Variants in HOMER1 observed in about 807,000 individuals in gnomAD.
The protein encoded by HOMER1 is homer protein homolog 1.
HOMER1 carries 3 observed loss-of-function variants against 48.9 expected under a neutral mutation model. The observed-to-expected ratio is 0.06, with a 90% CI of 0.03 to 0.16. HOMER1 has a LOEUF of 0.16. HOMER1 is among the 10% of genes least tolerant of loss of function. HOMER1 has a pLI of 1.00. For synonymous variants in HOMER1, 134 were observed against 146.4 expected, an observed-to-expected ratio of 0.92 and a Z score of 0.61; for missense variants, 247 against 411.4, an observed-to-expected ratio of 0.60 and a Z score of 3.46.
chr5:79,503,532 GAGAAAAAAAAAAA>G (rs1752664149), intron 1 of HOMER1, among the ~76,000 whole-genome samples: 2 of 94,026 alleles, frequency 2.1e-5, no homozygotes, highest in African/African-American at 3.7e-5. Context: ...CTGTCACAAA[GAGAAAAAAAAAAA>G]AAAAAAAAAC....
chr5:79,488,067 T>C (rs1177536482), intron 1 of HOMER1, among the ~76,000 whole-genome samples: 1 of 152,228 alleles, frequency 6.6e-6, no homozygotes, highest in East Asian at 1.9e-4. Context: ...ATTTAAAACA[T>C]TTTTAGAAGT....
chr5:79,417,802 A>C (rs529591296), intron 5 of HOMER1, among the ~76,000 whole-genome samples: 76 of 152,326 alleles, frequency 5.0e-4, no homozygotes, highest in Non-Finnish European at 5.3e-4. Flanking sequence ...CACCCTAAAA[A>C]TTGTACAATA....
intron 5 of HOMER1, among the ~76,000 whole-genome samples, chr5:79,422,642 A>G (rs7723152): frequency 0.035 from 5,393 of 152,092 alleles, 312 homozygotes; most frequent in African/African-American, 0.12. Context: ...GTAGAGATAA[A>G]ACTATAAAAA....
chr5:79,487,791 T>C (rs59512196), intron 1 of HOMER1, among the ~76,000 whole-genome samples: 12,198 of 152,218 alleles, frequency 0.08, 1,088 homozygotes, highest in East Asian at 0.23. Flanking sequence ...TTAAGTGATT[T>C]TTCTGATATG....
intron 3 of HOMER1, among the ~76,000 whole-genome samples, chr5:79,447,481 C>T (rs193119873): frequency 2.6e-5 from 4 of 152,164 alleles, no homozygotes; most frequent in Admixed American, 2.6e-4. Context: ...TAAACATAAG[C>T]GTACTGTGCT....
At chr5:79,509,585 T>A (rs1339678153) in intron 1 of HOMER1, among the ~76,000 whole-genome samples, 1 of 152,186 alleles carries the variant, frequency 6.6e-6, no homozygotes, top group Non-Finnish European at 1.5e-5. Context: ...TGCCTTAATT[T>A]TTAGGGGATC....
chr5:79,485,723 T>A (rs1447059995), intron 1 of HOMER1, among the ~76,000 whole-genome samples: 2 of 152,182 alleles, frequency 1.3e-5, no homozygotes, highest in Non-Finnish European at 2.9e-5. Flanking sequence ...AAGAGGGACC[T>A]AATTGAAGTT....
rs577285924 is a variant in HOMER1 at position 79,393,281 on chromosome 5, C to T, written c.876+3542G>A. Among the ~76,000 whole-genome samples, 5 of 152,130 alleles carry T rather than the reference C, an allele frequency of 3.3e-5. No individual in the cohort carries two copies. The East Asian group carries it at 9.6e-4, about 29-fold the overall frequency. On this transcript the variant is annotated intron_variant, in intron 8 of 8. Coordinates refer to ENST00000334082, the MANE Select transcript of HOMER1 (RefSeq NM_004272.5). ...AGGAAAATAAAAAATGGTAATACTACAAAAAATACCTGGGATGGGGTGTGG... is the reference window on the plus strand; with the variant it reads ...AGGAAAATAAAAAATGGTAATACTATAAAAAATACCTGGGATGGGGTGTGG...
intron 5 of HOMER1, among the ~76,000 whole-genome samples, chr5:79,423,357 T>C (rs1223342617): frequency 6.6e-6 from 1 of 152,176 alleles, no homozygotes; most frequent in Non-Finnish European, 1.5e-5. Context: ...AGTTCAGAAA[T>C]TTATCCCATT....
intron 1 of HOMER1, among the ~76,000 whole-genome samples, chr5:79,498,972 A>C (rs1752498705): frequency 6.6e-6 from 1 of 151,806 alleles, no homozygotes; most frequent in South Asian, 2.1e-4. Context: ...AGTAGCTGGG[A>C]CTACAGGCGC....
chr5:79,504,809 C>G lies in HOMER1; in HGVS notation c.5+7961G>C, dbSNP rs1005776028. Among the ~76,000 whole-genome samples the G allele has an allele frequency of 2.6e-4, 40 of 152,304 alleles. 1 individual carries two copies. The highest frequency in any genetic ancestry group is 9.1e-4 in the African/African-American group (38 of 41,566). The stretch of plus-strand genomic sequence containing the variant: ...AAAAATAATTGGTATATCCAACTAT[C>G]GGCCTAATTGCTAGAAATCAGGATT... On this transcript the variant is annotated intron_variant, in intron 1 of 8. Coordinates refer to ENST00000334082, the MANE Select transcript of HOMER1 (RefSeq NM_004272.5).
chr5:79,499,358 C>G (rs542302654), intron 1 of HOMER1, among the ~76,000 whole-genome samples: 1 of 152,212 alleles, frequency 6.6e-6, no homozygotes, highest in South Asian at 2.1e-4. Context: ...ATACCAAACA[C>G]ATGTAATAAA....
intron 5 of HOMER1, among the ~76,000 whole-genome samples, chr5:79,419,097 A>C (rs1055701390): frequency 1.3e-5 from 2 of 152,248 alleles, no homozygotes; most frequent in African/African-American, 4.8e-5. Flanking sequence ...TGGACAAATA[A>C]AATAGAAAGG....
chr5:79,470,441 C>T (rs142840158), intron 1 of HOMER1, among the ~76,000 whole-genome samples: 14 of 152,254 alleles, frequency 9.2e-5, no homozygotes, highest in African/African-American at 3.4e-4. Flanking sequence ...ATAAAAAATG[C>T]TTCTATTTAA....
intron 1 of HOMER1, among the ~76,000 whole-genome samples, chr5:79,508,663 T>C (rs1383537096): frequency 2.0e-5 from 3 of 152,226 alleles, no homozygotes; most frequent in Non-Finnish European, 1.5e-5. Flanking sequence ...GGCTCACTTG[T>C]ACTCATCTTT....
intron 8 of HOMER1, among the ~76,000 whole-genome samples, chr5:79,396,588 G>A (rs1457734032): frequency 6.6e-6 from 1 of 151,434 alleles, no homozygotes; most frequent in Non-Finnish European, 1.5e-5. Flanking sequence ...ATTTCCAAAA[G>A]GATTTACTAA....
At chr5:79,483,852 C>T (rs1477598264) in intron 1 of HOMER1, among the ~76,000 whole-genome samples, 1 of 150,658 alleles carries the variant, frequency 6.6e-6, no homozygotes, top group Non-Finnish European at 1.5e-5. Context: ...GTCAGGAGTT[C>T]AAGACCACAG....
At chr5:79,482,159 G>A (rs1417187474) in intron 1 of HOMER1, among the ~76,000 whole-genome samples, 4 of 151,990 alleles carry the variant, frequency 2.6e-5, no homozygotes, top group Non-Finnish European at 5.9e-5. Flanking sequence ...AGTTGAGGCT[G>A]CAGTGAGCCA....
chr5:79,388,233 G>T (rs1460347201), intron 8 of HOMER1, among the ~76,000 whole-genome samples: 1 of 152,072 alleles, frequency 6.6e-6, no homozygotes, highest in Non-Finnish European at 1.5e-5. Flanking sequence ...GAAGATAAAA[G>T]GAAGAGAAAG....
Sources: allele counts gnomAD v4.1 joint callset (sites outside exome capture counted in the v4.1 genomes callset), GRCh38; gene constraint gnomAD v4.1.1; transcripts MANE v1.5; gene names NCBI Gene and HGNC (gene_info 2026-07-23, HGNC 2026-07-21).